Variants in CNTNAP2 observed in about 807,000 individuals in gnomAD.
The protein encoded by CNTNAP2 is contactin associated protein 2.
In CNTNAP2, 98 loss-of-function variants were observed where a neutral mutation model predicts 155.2. The ratio of observed to expected loss-of-function variants is 0.63; its 90% CI spans 0.54 to 0.75. The LOEUF (loss-of-function observed/expected upper bound fraction) is 0.75, where lower values mean the gene tolerates loss of function less well. Ranked by LOEUF, CNTNAP2 falls within the 30% of genes least tolerant of loss-of-function variation. CNTNAP2 has a pLI of 0.00. For synonymous variants in CNTNAP2, 651 were observed against 631.2 expected (o/e 1.03, Z -0.47); for missense variants, 1,727 against 1,688.1 (o/e 1.02, Z -0.40).
Position 147,199,786 on chromosome 7 carries a change from G to A in CNTNAP2, c.1348+67277G>A, listed in dbSNP as rs143765929. Among the ~76,000 whole-genome samples, 335 of 151,216 alleles carry A rather than the reference G, an allele frequency of 2.2e-3. 3 individuals are homozygous for A. The highest frequency in any genetic ancestry group is 7.9e-3 in the African/African-American group (324 of 41,196). On this transcript the variant is annotated intron_variant, in intron 8 of 23. Coordinates refer to ENST00000361727, the MANE Select transcript of CNTNAP2 (RefSeq NM_014141.6). Reference sequence around the variant, plus strand: ...TATACAGAAACATCTAGGAAAGCCTGTACATTTTTGAGAAGTTAGAAAATT... The same window carrying A: ...TATACAGAAACATCTAGGAAAGCCTATACATTTTTGAGAAGTTAGAAAATT...
chr7:147,831,663 C>T (rs764408069), intron 13 of CNTNAP2: 1 of 152,276 alleles, frequency 6.6e-6, no homozygotes, highest in African/African-American at 2.4e-5. Flanking sequence ...GTTTAACATA[C>T]AGGAAGCAAA....
intron 11 of CNTNAP2, among the ~76,000 whole-genome samples, chr7:147,541,550 A>G (rs1799640238): frequency 6.6e-6 from 1 of 152,182 alleles, no homozygotes; most frequent in Non-Finnish European, 1.5e-5. Context: ...GGTTCTATGA[A>G]CAACTCGCTC....
At chr7:148,372,679 T>C (rs1426080887) in intron 21 of CNTNAP2, among the ~76,000 whole-genome samples, 1 of 152,108 alleles carries the variant, frequency 6.6e-6, no homozygotes, top group Non-Finnish European at 1.5e-5. Flanking sequence ...CTGCATGCAC[T>C]CCATCCTGGT....
chr7:146,475,985 C>T (rs1388575564), intron 1 of CNTNAP2, among the ~76,000 whole-genome samples: 1 of 151,974 alleles, frequency 6.6e-6, no homozygotes, highest in Non-Finnish European at 1.5e-5. Flanking sequence ...AAAGGTGACC[C>T]ACGTGAAATA....
intron 13 of CNTNAP2, among the ~76,000 whole-genome samples, chr7:147,785,389 C>T (rs1797724281): frequency 6.6e-6 from 1 of 151,988 alleles, no homozygotes; most frequent in Admixed American, 6.6e-5. Flanking sequence ...AGATGAGAGC[C>T]AAAGGAGCCA....
chr7:146,164,417 T>A (rs1323226488), intron 1 of CNTNAP2, among the ~76,000 whole-genome samples: 1 of 152,192 alleles, frequency 6.6e-6, no homozygotes, highest in Non-Finnish European at 1.5e-5. Flanking sequence ...TTTAGGTAGG[T>A]ATGTACCTAT....
At chr7:146,974,171 C>T (rs1243545046) in intron 3 of CNTNAP2, among the ~76,000 whole-genome samples, 2 of 152,106 alleles carry the variant, frequency 1.3e-5, no homozygotes, top group East Asian at 1.9e-4. Context: ...ACATCACACA[C>T]TATCACTAAA....
At chr7:147,158,303 C>T (rs541832053) in intron 8 of CNTNAP2, among the ~76,000 whole-genome samples, 80 of 152,112 alleles carry the variant, frequency 5.3e-4, no homozygotes, top group South Asian at 4.1e-3. Flanking sequence ...AGTAAGTTTC[C>T]ACCAAGCTTA....
chr7:148,374,719 A>T (rs1798952045), intron 21 of CNTNAP2, among the ~76,000 whole-genome samples: 1 of 152,236 alleles, frequency 6.6e-6, no homozygotes, highest in Non-Finnish European at 1.5e-5. Context: ...ATAAAATGCA[A>T]AAGTGGAAAC....
chr7:146,679,577 G>A (rs1387066691), intron 1 of CNTNAP2, among the ~76,000 whole-genome samples: 2 of 151,844 alleles, frequency 1.3e-5, no homozygotes, highest in Non-Finnish European at 2.9e-5. Context: ...GGCTGGTCTC[G>A]AACGCCTGAC....
At chr7:146,656,771 G>A (rs983140589) in intron 1 of CNTNAP2, among the ~76,000 whole-genome samples, 2 of 152,074 alleles carry the variant, frequency 1.3e-5, no homozygotes, top group African/African-American at 4.8e-5. Context: ...ACTTCAAAAG[G>A]CAAATTATAA....
At chr7:146,246,315 G>T (rs1799653559) in intron 1 of CNTNAP2, among the ~76,000 whole-genome samples, 1 of 151,024 alleles carries the variant, frequency 6.6e-6, no homozygotes, top group Non-Finnish European at 1.5e-5. Flanking sequence ...TGTAATCCAG[G>T]AATAGTCAGG....
intron 8 of CNTNAP2, among the ~76,000 whole-genome samples, chr7:147,159,880 A>G (rs1801993883): frequency 6.6e-6 from 1 of 152,134 alleles, no homozygotes; most frequent in South Asian, 2.1e-4. Context: ...TAATTAAGAA[A>G]TTGGTATATC....
chr7:147,586,523 G>GAAGAGGGAGGGAGGAAGGAAGGAAGGAA (rs772731379), intron 12 of CNTNAP2, among the ~76,000 whole-genome samples: 1 of 42,008 alleles, frequency 2.4e-5, no homozygotes, highest in African/African-American at 1.5e-4. Flanking sequence ...AGAGAGAGAA[G>GAAGAGGGAGGGAGGAAGGAAGGAAGGAA]AGGAAGGAAG....
At chr7:146,188,166 G>A (rs1204223240) in intron 1 of CNTNAP2, among the ~76,000 whole-genome samples, 11 of 152,090 alleles carry the variant, frequency 7.2e-5, no homozygotes, top group Admixed American at 7.2e-4. Flanking sequence ...ATTGAAACAG[G>A]ATAAGAACAA....
intron 1 of CNTNAP2, among the ~76,000 whole-genome samples, chr7:146,756,366 AG>A (rs774520937): frequency 1.4e-4 from 22 of 152,138 alleles, no homozygotes; most frequent in South Asian, 6.2e-4. Flanking sequence ...CCATTAGCAT[AG>A]TGGTATGCTT....
At chr7:147,451,038 A>G (rs558578590) in intron 10 of CNTNAP2, among the ~76,000 whole-genome samples, 1 of 152,320 alleles carries the variant, frequency 6.6e-6, no homozygotes, top group Admixed American at 6.5e-5. Context: ...TGCCTTGGCT[A>G]ATATGCTTCC....
chr7:147,811,182 C>T (rs1563097645), intron 13 of CNTNAP2, among the ~76,000 whole-genome samples: 1 of 152,160 alleles, frequency 6.6e-6, no homozygotes, highest in Admixed American at 6.5e-5. Context: ...GCAACCTCCA[C>T]CTCCTGGGTT....
At chr7:147,004,174 G>A (rs1341277578) in intron 3 of CNTNAP2, among the ~76,000 whole-genome samples, 3 of 115,542 alleles carry the variant, frequency 2.6e-5, no homozygotes, top group African/African-American at 7.1e-5. Context: ...GAATAAAATC[G>A]ATGAATTCAA....
Sources: allele counts gnomAD v4.1 joint callset (sites outside exome capture counted in the v4.1 genomes callset), GRCh38; gene constraint gnomAD v4.1.1; transcripts MANE v1.5; gene names NCBI Gene and HGNC (gene_info 2026-07-23, HGNC 2026-07-21).